The following CNRIP1 variants were observed in gnomAD, a reference collection of about 807,000 sequenced individuals.
The protein encoded by CNRIP1 is CB1 cannabinoid receptor-interacting protein 1.
A neutral mutation model predicts 15.2 loss-of-function variants in CNRIP1; 10 were observed. The observed-to-expected ratio is 0.66, with a 90% confidence interval of 0.41 to 1.12. The LOEUF (loss-of-function observed/expected upper bound fraction) is 1.12. Among genes scored for constraint, CNRIP1 ranks in the 50% most tolerant of loss-of-function variants. CNRIP1 has a pLI of 0.00. For missense variants in CNRIP1, 211 were observed against 214.7 expected (o/e 0.98, Z 0.11); for synonymous variants, 91 against 83.2 (o/e 1.09, Z -0.51).
intron 2 of CNRIP1, among the ~76,000 whole-genome samples, chr2:68,287,892 T>G (rs1352008676): frequency 6.6e-6 from 1 of 152,234 alleles, no homozygotes; most frequent in Non-Finnish European, 1.5e-5. Context: ...CTATCATTAA[T>G]AATACGAACG....
At chr2:68,308,012 G>A (rs1173189679) in intron 2 of CNRIP1, among the ~76,000 whole-genome samples, 1 of 152,072 alleles carries the variant, frequency 6.6e-6, no homozygotes, top group Non-Finnish European at 1.5e-5. Flanking sequence ...GGGCAACATA[G>A]TGAGACTCCA....
chr2:68,304,478 G>A lies in CNRIP1; in HGVS notation c.331-10452C>T, dbSNP rs375923508. Among the ~76,000 whole-genome samples, 260 of 152,060 alleles carry A rather than the reference G, an allele frequency of 1.7e-3. 1 individual carries two copies. The highest frequency in any genetic ancestry group is 5.9e-3 in the African/African-American group (243 of 41,470). ...GGTATGTTTTAAGAAAAAGGTCTGC[G>A]GTCCCTAACTGTAACTCGTGAATCC... On this transcript the variant is annotated intron_variant, in intron 2 of 2. Coordinates refer to ENST00000263655, the MANE Select transcript of CNRIP1 (RefSeq NM_015463.3).
chr2:68,308,226 A>C (rs1391089859), intron 2 of CNRIP1, among the ~76,000 whole-genome samples: 1 of 151,424 alleles, frequency 6.6e-6, no homozygotes, highest in Non-Finnish European at 1.5e-5. Flanking sequence ...AAAACAAAAC[A>C]AAAAAAACCC....
At chr2:68,316,898 T>C (rs983310964) in intron 2 of CNRIP1, 6 of 607,100 alleles carry the variant, frequency 9.9e-6, no homozygotes, top group Non-Finnish European at 1.8e-5. Context: ...AAAATGGCAA[T>C]GTAGGTTCTG....
chr2:68,319,276 G>T lies in CNRIP1; in HGVS notation c.125C>A (p.Thr42Asn). 1.3e-6 allele frequency: 2 copies of T among 1,551,118 alleles called. No individual in the cohort carries two copies. The highest frequency in any genetic ancestry group is 1.7e-6 in the Non-Finnish European group (2 of 1,147,310). Residue 42 changes from threonine to asparagine, a missense_variant, in exon 1 of 3, where the codon ACC becomes AAC. By Grantham distance (65) the Thr-to-Asn change is moderately conservative. Coordinates refer to ENST00000263655, the MANE Select transcript of CNRIP1 (RefSeq NM_015463.3). ...FGQNRTIKLL[T>N]GSSYKVEVKI... ...CACCTCAACCTTGTAGGAGGAGCCG[G>T]TGAGCAGCTTGATGGTGCGGTTCTG...
intron 2 of CNRIP1, among the ~76,000 whole-genome samples, chr2:68,295,570 A>C (rs1671320811): frequency 6.6e-6 from 1 of 152,222 alleles, no homozygotes; most frequent in African/African-American, 2.4e-5. Flanking sequence ...CTGAACAATA[A>C]AGGAAGACAT....
chr2:68,313,034 C>T (rs1051851736), intron 2 of CNRIP1, among the ~76,000 whole-genome samples: 3 of 152,056 alleles, frequency 2.0e-5, no homozygotes, highest in African/African-American at 4.8e-5. Context: ...TTGACAAGCT[C>T]ATTCTAAAAT....
Position 68,319,539 on chromosome 2 carries a change from ACCCGCGCCGTCGCCGCCGTCCG to A in CNRIP1, c.-161_-140del. ...GGTGGAGCTGAGGCTGCCGCTAGGA[ACCCGCGCCGTCGCCGCCGTCCG>A]CCCGGGCTTTTGAGGAGCAGCTCCT... On this transcript the variant is annotated 5_prime_UTR_variant, in exon 1 of 3. An upstream open reading frame in the 5' UTR loses its in-frame stop. Coordinates refer to ENST00000263655, the MANE Select transcript of CNRIP1 (RefSeq NM_015463.3). 1.1e-6 allele frequency: 1 copy of A among 900,040 alleles called. No individual in the cohort carries two copies. Among genetic ancestry groups the A allele is most frequent in the Non-Finnish European group, 1.6e-6 (1 of 632,948 alleles). The allele number at this position is 900,040 out of a possible 1,614,324, so 55.8% of individuals were successfully genotyped here. A position where few individuals can be genotyped will look rare whatever the true frequency, so the allele number is the denominator to read the frequency against.
At chr2:68,290,133 A>G (rs1475230925), downstream of CNRIP1, among the ~76,000 whole-genome samples, 1 of 145,066 alleles carries the variant, frequency 6.9e-6, no homozygotes, top group East Asian at 2.1e-4. Context: ...GGTTCAAGTG[A>G]TTCTCCTTCC....
In CNRIP1 at chr2:68,319,530, C is replaced by G; in HGVS notation, c.-130G>C. On this transcript the variant is annotated 5_prime_UTR_variant, in exon 1 of 3. Transcript: ENST00000263655. ...GAGGGAGGTGGTGGAGCTGAGGCTG[C>G]CGCTAGGAACCCGCGCCGTCGCCGC... is the stretch of plus-strand genomic sequence containing the variant. 1.0e-6 allele frequency: 1 copy of G among 976,464 alleles called. No homozygotes were observed. The highest frequency in any genetic ancestry group is 1.4e-6 in the Non-Finnish European group (1 of 702,000). 60.5% of individuals were successfully genotyped at this position (976,464 alleles called of 1,614,324 possible). A position where few individuals can be genotyped will look rare whatever the true frequency, so the allele number is the denominator to read the frequency against.
At chr2:68,305,257 A>AT (rs1440564058) in intron 2 of CNRIP1, among the ~76,000 whole-genome samples, 2,075 of 56,988 alleles carry the variant, frequency 0.036, 84 homozygotes, top group Admixed American at 0.12. Context: ...AAAAAAAAAA[A>AT]AAATATATAT....
chr2:68,293,344 T>C lies in CNRIP1; in HGVS notation c.*518A>G. 3.0e-6 allele frequency: 3 copies of C among 986,532 alleles called. No homozygotes were observed. The highest frequency in any genetic ancestry group is 3.6e-6 in the Non-Finnish European group (3 of 830,586). 61.1% of individuals were successfully genotyped at this position (986,532 alleles called of 1,614,324 possible). On this transcript the variant is annotated 3_prime_UTR_variant, in exon 3 of 3. Transcript: ENST00000263655. Reference sequence around the variant, plus strand: ...GGAGCTGTTTATAGGAAGCACAACATTTGAGTCCCATTCACTGCTGTTTGT... The same window carrying C: ...GGAGCTGTTTATAGGAAGCACAACACTTGAGTCCCATTCACTGCTGTTTGT...
At chr2:68,302,940 G>T (rs1033094315) in intron 2 of CNRIP1, among the ~76,000 whole-genome samples, 1 of 124,602 alleles carries the variant, frequency 8.0e-6, no homozygotes, top group Non-Finnish European at 1.8e-5. Flanking sequence ...TCCGCCCCCC[G>T]GGGTTCACGC....
chr2:68,314,742 G>A (rs1672209237), intron 2 of CNRIP1, among the ~76,000 whole-genome samples: 1 of 152,034 alleles, frequency 6.6e-6, no homozygotes, highest in Non-Finnish European at 1.5e-5. Flanking sequence ...GAGTATAGGA[G>A]GAGATAAAAT....
At position 68,293,727 on chromosome 2, in the gene CNRIP1, T is replaced by G; in HGVS notation, c.*135A>C. On this transcript the variant is annotated 3_prime_UTR_variant, in exon 3 of 3. Coordinates refer to ENST00000263655, the MANE Select transcript of CNRIP1 (RefSeq NM_015463.3). ...TCAGAGGGGAATTACACTTTCAAAA[T>G]AACCAGGGCTAGTAGGTCATTAGTA... The G allele has an allele frequency of 6.9e-7, 1 of 1,451,246 alleles. No individual in the cohort carries two copies. Among genetic ancestry groups the G allele is most frequent in the African/African-American group, 1.4e-5 (1 of 70,844 alleles). The allele number at this position is 1,451,246 out of a possible 1,614,324, so 89.9% of individuals were successfully genotyped here. A position where few individuals can be genotyped will look rare whatever the true frequency, so the allele number is the denominator to read the frequency against.
At chr2:68,305,173 G>A (rs1304004127) in intron 2 of CNRIP1, among the ~76,000 whole-genome samples, 1 of 150,750 alleles carries the variant, frequency 6.6e-6, no homozygotes, top group Non-Finnish European at 1.5e-5. Context: ...GAACCCGGGA[G>A]GCAGAGGTTG....
At chr2:68,295,741 G>C (rs1324305688) in intron 2 of CNRIP1, among the ~76,000 whole-genome samples, 1 of 152,146 alleles carries the variant, frequency 6.6e-6, no homozygotes, top group Non-Finnish European at 1.5e-5. Context: ...GGTGAGAAGG[G>C]GAACTGATGC....
chr2:68,299,970 A>G (rs1161491201), intron 2 of CNRIP1, among the ~76,000 whole-genome samples: 1 of 152,228 alleles, frequency 6.6e-6, no homozygotes. Context: ...TCATAGAAAC[A>G]TGATGTTACT....
intron 2 of CNRIP1, among the ~76,000 whole-genome samples, chr2:68,285,381 C>T (rs886695515): frequency 3.9e-5 from 6 of 152,174 alleles, no homozygotes; most frequent in Non-Finnish European, 8.8e-5. Context: ...AAAGCAATGT[C>T]TTCATACAAT....
Sources: allele counts gnomAD v4.1 joint callset (sites outside exome capture counted in the v4.1 genomes callset), GRCh38; gene constraint gnomAD v4.1.1; transcripts MANE v1.5; gene names NCBI Gene and HGNC (gene_info 2026-07-23, HGNC 2026-07-21).